Variants in DHX37 observed in about 807,000 individuals in gnomAD.
The protein encoded by DHX37 is DEAH-box helicase 37.
Under a neutral mutation model 134.3 loss-of-function variants are expected in DHX37, and 52 were observed. That is an observed-to-expected ratio of 0.39 (90% CI 0.31 to 0.49). DHX37 has a LOEUF of 0.49. Ranked by LOEUF, DHX37 falls within the 20% of genes least tolerant of loss-of-function variation. DHX37 has a pLI of 0.93. For missense variants in DHX37, 1,344 were observed against 1,580.8 expected (o/e 0.85, Z 2.54); for synonymous variants, 634 against 670.7 (o/e 0.95, Z 0.85).
At chr12:124,955,097 C>T (rs956371754) in intron 18 of DHX37, among the ~76,000 whole-genome samples, 2 of 152,218 alleles carry the variant, frequency 1.3e-5, no homozygotes, top group Non-Finnish European at 2.9e-5. Context: ...GAGGCCAAGA[C>T]ACCTGGTTTT....
chr12:124,948,031 C>A (rs758015018), intron 26 of DHX37, 53 bp downstream of exon 26: 1 of 1,614,142 alleles, frequency 6.2e-7, no homozygotes, highest in Non-Finnish European at 8.5e-7. Flanking sequence ...AAAGCCCCTG[C>A]CTCAGTGACC....
intron 18 of DHX37, among the ~76,000 whole-genome samples, chr12:124,954,976 T>A (rs564954699): frequency 6.6e-6 from 1 of 152,194 alleles, no homozygotes; most frequent in East Asian, 1.9e-4. Context: ...CAGCTCAGAA[T>A]GGCAGAGAGA....
chr12:124,982,467 G>A (rs201304726), intron 3 of DHX37, 44 bp downstream of exon 3: 6 of 1,607,920 alleles, frequency 3.7e-6, no homozygotes, highest in East Asian at 2.2e-5. Flanking sequence ...TCCCTAGGGG[G>A]CCCTGGAGGG....
chr12:124,956,645 G>T, intron 18 of DHX37, 46 bp downstream of exon 18: 3 of 1,492,126 alleles, frequency 2.0e-6, no homozygotes, highest in South Asian at 1.3e-5. Context: ...CAGAGCCCCC[G>T]TCGGAACTGA....
At chr12:124,975,365 G>C (rs1594503381) in intron 6 of DHX37, 54 bp downstream of exon 6, 2 of 1,581,972 alleles carry the variant, frequency 1.3e-6, no homozygotes, top group East Asian at 4.5e-5. Flanking sequence ...TCCCACATCT[G>C]GGCAAGGCCA....
intron 20 of DHX37, chr12:124,953,578 G>A (rs781552885): frequency 4.9e-5 from 19 of 383,974 alleles, no homozygotes; most frequent in Non-Finnish European, 7.8e-5. Flanking sequence ...GGAGGGAAGA[G>A]GGGTCCAGGC....
chr12:124,953,845 G>A lies in DHX37; in HGVS notation c.2695+35C>T, dbSNP rs562705415. 802 of 1,601,696 alleles carry A rather than the reference G, an allele frequency of 5.0e-4. 6 individuals carry two copies. The South Asian group carries it at 7.1e-3, about 14-fold the overall frequency. ...TTCAAGTGCCCAGGTCAGGTTGCCC[G>A]CCGGGTGCAGCGGCGTGCCGGCACG... On this transcript the variant is annotated intron_variant, in intron 20 of 26. Transcript: ENST00000308736.
In DHX37 at chr12:124,967,221, GTGGAAAGAA is replaced by G; in HGVS notation, c.1409-12_1409-4del. The G allele has an allele frequency of 6.2e-7, 1 of 1,613,258 alleles. No individual in the cohort carries two copies. Among genetic ancestry groups the G allele is most frequent in the Non-Finnish European group, 8.5e-7 (1 of 1,179,826 alleles). ...CGTCAGGAACACCAGGATGCCACCT[GTGGAAAGAA>G]TGGGCCCCTCTGTTATCCATCAGTC... On this transcript the variant is annotated splice_polypyrimidine_tract_variant and splice_region_variant and intron_variant, in intron 10 of 26. Coordinates refer to ENST00000308736, the MANE Select transcript of DHX37 (RefSeq NM_032656.4).
intron 2 of DHX37, among the ~76,000 whole-genome samples, chr12:124,982,832 T>C (rs1954784544): frequency 6.6e-6 from 1 of 152,188 alleles, no homozygotes; most frequent in Non-Finnish European, 1.5e-5. Flanking sequence ...TCTGGGGTTG[T>C]ATAAATGAGG....
At chr12:124,985,317 G>A (rs117404039) in intron 2 of DHX37, among the ~76,000 whole-genome samples, 7,305 of 152,204 alleles carry the variant, frequency 0.048, 329 homozygotes, top group Admixed American at 0.14. Context: ...ACCAGGGGCT[G>A]ATCAATGTTG....
intron 5 of DHX37, among the ~76,000 whole-genome samples, chr12:124,976,077 G>A (rs1282866112): frequency 6.6e-6 from 1 of 152,190 alleles, no homozygotes; most frequent in Non-Finnish European, 1.5e-5. Context: ...GGCAGGGTGG[G>A]CTTAGGCGAC....
intron 16 of DHX37, among the ~76,000 whole-genome samples, chr12:124,958,586 C>T (rs905775019): frequency 6.6e-6 from 1 of 152,158 alleles, no homozygotes; most frequent in African/African-American, 2.4e-5. Context: ...TGAGGTCACA[C>T]GTGCTGAACG....
chr12:124,979,817 G>A (rs1043291495), intron 4 of DHX37, among the ~76,000 whole-genome samples: 4 of 152,204 alleles, frequency 2.6e-5, no homozygotes, highest in Non-Finnish European at 4.4e-5. Flanking sequence ...AGAAGCAAAC[G>A]TTTGTGGTGT....
chr12:124,957,008 C>T (rs771706667), intron 17 of DHX37, 21 bp downstream of exon 17: 23 of 1,522,702 alleles, frequency 1.5e-5, no homozygotes, highest in African/African-American at 2.9e-5. Context: ...AGGAACTGGG[C>T]TCTGCATCTC....
At chr12:124,956,072 G>A (rs11834924) in intron 18 of DHX37, among the ~76,000 whole-genome samples, 22,384 of 152,248 alleles carry the variant, frequency 0.15, 4,121 homozygotes, top group African/African-American at 0.44. Context: ...TGACCCTAAG[G>A]GAAGCAGCAG....
At chr12:124,976,337 T>C (rs1367231161) in intron 5 of DHX37, among the ~76,000 whole-genome samples, 27 of 152,184 alleles carry the variant, frequency 1.8e-4, no homozygotes, top group Admixed American at 1.8e-3. Flanking sequence ...GAGTCCCCGG[T>C]CAATCACCGA....
intron 15 of DHX37, 142 bp downstream of exon 15, chr12:124,964,252 G>A: frequency 4.6e-6 from 6 of 1,308,000 alleles, no homozygotes; most frequent in Non-Finnish European, 6.2e-6. Flanking sequence ...AAAAGGGCTG[G>A]GGAGCACCCC....
intron 16 of DHX37, among the ~76,000 whole-genome samples, chr12:124,958,622 T>C (rs1954153311): frequency 6.6e-6 from 1 of 151,588 alleles, no homozygotes; most frequent in Non-Finnish European, 1.5e-5. Context: ...GCATCCATGA[T>C]TCTTTTTTTT....
At chr12:124,952,921 G>C in intron 20 of DHX37, 1 of 165,982 alleles carries the variant, frequency 6.0e-6, no homozygotes, top group Non-Finnish European at 1.3e-5. Flanking sequence ...GTTCAATACG[G>C]GAACAGGACA....
Sources: allele counts gnomAD v4.1 joint callset (sites outside exome capture counted in the v4.1 genomes callset), GRCh38; gene constraint gnomAD v4.1.1; transcripts MANE v1.5; gene names NCBI Gene and HGNC (gene_info 2026-07-23, HGNC 2026-07-21).